CCDC146: variants seen among roughly 807,000 people sequenced by gnomAD.
The protein encoded by CCDC146 is coiled-coil domain containing 146, also known as coiled-coil domain-containing protein 146.
Under a neutral mutation model 119.3 loss-of-function variants are expected in CCDC146, and 92 were observed. The observed-to-expected ratio is 0.77, with a 90% CI of 0.65 to 0.92. The LOEUF is 0.92. Among genes scored for constraint, CCDC146 ranks in the 40% least tolerant of loss-of-function variants. The pLI is 0.00. For missense variants in CCDC146, 1,000 were observed against 1,103.0 expected, an observed-to-expected ratio of 0.91 and a Z score of 1.32; for synonymous variants, 372 against 371.8, an observed-to-expected ratio of 1.00 and a Z score of -0.01.
chr7:77,237,505 G>C (rs1415193656), intron 3 of CCDC146, among the ~76,000 whole-genome samples: 1 of 152,154 alleles, frequency 6.6e-6, no homozygotes, highest in East Asian at 1.9e-4. Flanking sequence ...TATGGTAACT[G>C]TCCACTAAAG....
chr7:77,148,077 C>G (rs1791051164), intron 1 of CCDC146, among the ~76,000 whole-genome samples: 1 of 152,210 alleles, frequency 6.6e-6, no homozygotes, highest in Admixed American at 6.5e-5. Context: ...GCTTCCAGGC[C>G]ACTTTGATTA....
intron 9 of CCDC146, among the ~76,000 whole-genome samples, chr7:77,264,403 A>G (rs1793361176): frequency 6.6e-6 from 1 of 152,140 alleles, no homozygotes; most frequent in Non-Finnish European, 1.5e-5. Context: ...GATTACAGGC[A>G]TGTGCCACCA....
At chr7:77,161,567 C>A (rs978087088) in intron 1 of CCDC146, among the ~76,000 whole-genome samples, 20 of 144,502 alleles carry the variant, frequency 1.4e-4, no homozygotes, top group African/African-American at 4.7e-4. Flanking sequence ...TATTCTCACT[C>A]ATAGGTTGGA....
intron 7 of CCDC146, 189 bp downstream of exon 7, chr7:77,259,257 A>G (rs953868381): frequency 2.0e-6 from 1 of 509,918 alleles, no homozygotes; most frequent in Non-Finnish European, 3.5e-6. Context: ...TCTATCATTC[A>G]TAGTATTTAT....
At chr7:77,143,358 C>T (rs905766843) in intron 1 of CCDC146, among the ~76,000 whole-genome samples, 18 of 151,804 alleles carry the variant, frequency 1.2e-4, no homozygotes, top group African/African-American at 4.1e-4. Flanking sequence ...TTCTCCCATT[C>T]TGTAGGTTGC....
chr7:77,282,705 C>G lies in CCDC146; in HGVS notation c.2068C>G (p.Gln690Glu). ...CCTGAAAATGAAGATTGCTGAGAAG[C>G]AAAGACAAATTTGTGTGACCCAGAA... ...QFLKMKIAEK[Q>E]RQICVTQKLL... The change falls in exon 15 of 19, where the codon CAA becomes GAA. Residue 690 changes from glutamine to glutamate, a missense_variant. Physicochemically the swap from Gln to Glu is conservative, Grantham distance 29. Coordinates refer to ENST00000285871, the MANE Select transcript of CCDC146 (RefSeq NM_020879.3). 1 of 1,614,172 alleles carries G rather than the reference C, an allele frequency of 6.2e-7. No individual in the cohort carries two copies. The highest frequency in any genetic ancestry group is 8.5e-7 in the Non-Finnish European group (1 of 1,180,016).
At chr7:77,203,356 G>A (rs562026086) in intron 2 of CCDC146, among the ~76,000 whole-genome samples, 3 of 151,788 alleles carry the variant, frequency 2.0e-5, no homozygotes, top group South Asian at 4.2e-4. Flanking sequence ...TCAGTACACT[G>A]GGTTTTAAGC....
chr7:77,163,728 G>A (rs1255301978), intron 1 of CCDC146, among the ~76,000 whole-genome samples: 2 of 151,962 alleles, frequency 1.3e-5, no homozygotes, highest in Admixed American at 1.3e-4. Context: ...GGAAGTGGAA[G>A]GGTTATAGAT....
At position 77,232,072 on chromosome 7, in the gene CCDC146, C is replaced by T. The variant is rs148483632; in HGVS notation, c.157-4875C>T. On this transcript the variant is annotated intron_variant, in intron 2 of 18. Coordinates refer to ENST00000285871, the MANE Select transcript of CCDC146 (RefSeq NM_020879.3). ...AATACTGTGAAGTATATTTTTCCCC[C>T]GCAGTAGGCAGCCTCTAATGTCTCT... Among the ~76,000 whole-genome samples, 53 of 152,238 alleles carry T rather than the reference C, an allele frequency of 3.5e-4. No individual in the cohort carries two copies. In the East Asian group the frequency reaches 6.7e-3, roughly 19 times the overall value.
intron 2 of CCDC146, among the ~76,000 whole-genome samples, chr7:77,180,853 ACTGTCT>A (rs1791576857): frequency 6.6e-6 from 1 of 152,154 alleles, no homozygotes; most frequent in South Asian, 2.1e-4. Context: ...GTAATAAATG[ACTGTCT>A]CTGTACTCAT....
chr7:77,138,535 A>G (rs1790890793), intron 1 of CCDC146, among the ~76,000 whole-genome samples: 1 of 151,416 alleles, frequency 6.6e-6, no homozygotes, highest in African/African-American at 2.4e-5. Context: ...GATAAGCTGA[A>G]CTTCACTGAA....
intron 2 of CCDC146, among the ~76,000 whole-genome samples, chr7:77,181,599 T>G (rs1791590811): frequency 6.6e-6 from 1 of 152,238 alleles, no homozygotes; most frequent in South Asian, 2.1e-4. Flanking sequence ...TTTGTGTGAA[T>G]TCTGCTCACA....
At position 77,262,160 on chromosome 7, in the gene CCDC146, C is replaced by T. The variant is rs781491970; in HGVS notation, c.1026C>T (p.Asp342=). The T allele has an allele frequency of 6.0e-5, 97 of 1,611,106 alleles. No homozygotes were observed. In the South Asian group the frequency reaches 9.1e-4, roughly 15 times the overall value. Residue 342 remains aspartate, a synonymous_variant, in exon 9 of 19, where the codon GAC becomes GAT. Transcript: ENST00000285871. Reference sequence around the variant, plus strand: ...TCAATTTACGCAACAGTCTCATTGACAAGCAGAACTACCATGATGAACTTT... The same window carrying T: ...TCAATTTACGCAACAGTCTCATTGATAAGCAGAACTACCATGATGAACTTT... ...LDLNLRNSLI[D]KQNYHDELSR...
chr7:77,261,644 A>C (rs1298856109), intron 8 of CCDC146, among the ~76,000 whole-genome samples: 1 of 150,930 alleles, frequency 6.6e-6, no homozygotes, highest in African/African-American at 2.4e-5. Flanking sequence ...CGCCCGGCTA[A>C]TTTTTTGTAT....
At chr7:77,207,928 T>C (rs966850777) in intron 2 of CCDC146, among the ~76,000 whole-genome samples, 1 of 152,234 alleles carries the variant, frequency 6.6e-6, no homozygotes, top group African/African-American at 2.4e-5. Context: ...TTTTTAGGTA[T>C]TCATTGATTC....
chr7:77,208,210 T>C (rs1201944708), intron 2 of CCDC146, among the ~76,000 whole-genome samples: 1 of 152,228 alleles, frequency 6.6e-6, no homozygotes, highest in Non-Finnish European at 1.5e-5. Context: ...TTTAGAGTCA[T>C]TAATTCCAAA....
rs1229148927 is a variant in CCDC146, at chr7:77,196,227, G to A, written c.156+28403G>A. 1.5e-6 allele frequency: 2 copies of A among 1,315,324 alleles called. No individual in the cohort carries two copies. Among genetic ancestry groups the A allele is most frequent in the Non-Finnish European group, 2.1e-6 (2 of 941,104 alleles). The allele number at this position is 1,315,324 out of a possible 1,614,324, so 81.5% of individuals were successfully genotyped here. The stretch of plus-strand genomic sequence containing the variant: ...CAAGGCATATTCTAAAGTGCTGAAG[G>A]AATTAATTGCCCTATTAGATAACGA... On this transcript the variant is annotated intron_variant, in intron 2 of 18. Transcript: ENST00000285871. This position sits in a 1 kb window ranked among gnomAD's most constrained non-coding sequence, Gnocchi z 4.2.
chr7:77,174,909 G>A (rs1348413774), intron 2 of CCDC146, among the ~76,000 whole-genome samples: 3 of 152,154 alleles, frequency 2.0e-5, no homozygotes, highest in African/African-American at 7.2e-5. Context: ...CATAGTCTAG[G>A]TTTATATTCA....
At chr7:77,240,469 A>G (rs1792822034) in intron 3 of CCDC146, among the ~76,000 whole-genome samples, 1 of 152,218 alleles carries the variant, frequency 6.6e-6, no homozygotes, top group Admixed American at 6.5e-5. Flanking sequence ...AGTCCCTGAT[A>G]TAAAATGGTA....
Sources: allele counts gnomAD v4.1 joint callset (sites outside exome capture counted in the v4.1 genomes callset), GRCh38; gene constraint gnomAD v4.1.1; non-coding constraint Gnocchi (gnomAD v3.1); transcripts MANE v1.5; gene names NCBI Gene and HGNC (gene_info 2026-07-23, HGNC 2026-07-21).